Variants in SHISA5 observed in about 807,000 individuals in gnomAD.
The protein encoded by SHISA5 is protein shisa-5.
SHISA5 carries 21 observed loss-of-function variants against 27.5 expected under a neutral mutation model. That is an observed-to-expected ratio of 0.76 (90% CI 0.54 to 1.10). The LOEUF (loss-of-function observed/expected upper bound fraction) is 1.10. SHISA5 is among the 50% of genes least tolerant of loss of function. The pLI, the probability that SHISA5 is intolerant of heterozygous loss-of-function variation, is 0.00. For synonymous variants in SHISA5, 137 were observed against 142.2 expected (o/e 0.96, Z 0.26); for missense variants, 314 against 336.3 (o/e 0.93, Z 0.52).
chr3:48,475,106 T>TA (rs202030882), intron 3 of SHISA5, among the ~76,000 whole-genome samples: 60 of 150,646 alleles, frequency 4.0e-4, no homozygotes, highest in African/African-American at 1.3e-3. Context: ...GAGTGCTCAA[T>TA]AAAAAAAAAA....
At chr3:48,484,511 G>T (rs777947991) in intron 2 of SHISA5, among the ~76,000 whole-genome samples, 1 of 152,014 alleles carries the variant, frequency 6.6e-6, no homozygotes, top group Non-Finnish European at 1.5e-5. Context: ...CAGGAGAATT[G>T]CTTGAACCCA....
intron 3 of SHISA5, among the ~76,000 whole-genome samples, chr3:48,475,003 C>T (rs1382502086): frequency 6.6e-6 from 1 of 152,128 alleles, no homozygotes; most frequent in African/African-American, 2.4e-5. Context: ...TGTGTGTGAG[C>T]ATTTGATCAA....
chr3:48,468,112 C>T lies in SHISA5; in HGVS notation c.*995G>A, dbSNP rs3135950. On this transcript the variant is annotated 3_prime_UTR_variant, in exon 6 of 6. Coordinates refer to ENST00000296444, the MANE Select transcript of SHISA5 (RefSeq NM_016479.6). The stretch of plus-strand genomic sequence containing the variant: ...GTGGACTGGGGTACAGGAGTTGTTG[C>T]ATATTCCATGAGGCTGGTGTCGGGA... 1 of 987,514 alleles carries T rather than the reference C, an allele frequency of 1.0e-6. No homozygotes were observed. The highest frequency in any genetic ancestry group is 1.7e-5 in the African/African-American group (1 of 57,160). 61.2% of individuals were successfully genotyped at this position (987,514 alleles called of 1,614,324 possible).
Position 48,501,308 on chromosome 3 carries a change from C to T in SHISA5, c.77-15G>A. ...CTCACCACGTGCTGGAGAGGAGAAA[C>T]ACATCTGTTCACCTGTGCCCACGGG... On this transcript the variant is annotated splice_polypyrimidine_tract_variant and intron_variant, in intron 1 of 5. Coordinates refer to ENST00000296444, the MANE Select transcript of SHISA5 (RefSeq NM_016479.6). 1.2e-6 allele frequency: 2 copies of T among 1,611,554 alleles called. No homozygotes were observed. Among genetic ancestry groups the T allele is most frequent in the Non-Finnish European group, 1.7e-6 (2 of 1,178,544 alleles).
intron 3 of SHISA5, among the ~76,000 whole-genome samples, chr3:48,474,430 G>A (rs543415699): frequency 1.5e-3 from 231 of 151,484 alleles, no homozygotes; most frequent in African/African-American, 5.2e-3. Context: ...CCGCCTCCCC[G>A]GGTTCAAGTG....
At chr3:48,491,016 T>C (rs556525926) in intron 2 of SHISA5, among the ~76,000 whole-genome samples, 41 of 152,306 alleles carry the variant, frequency 2.7e-4, no homozygotes, top group Non-Finnish European at 5.6e-4. Flanking sequence ...ACTCAACCAA[T>C]TGTCAAACAG....
intron 2 of SHISA5, among the ~76,000 whole-genome samples, chr3:48,491,540 C>T (rs1214021499): frequency 2.0e-5 from 3 of 152,156 alleles, no homozygotes; most frequent in Non-Finnish European, 4.4e-5. Context: ...GGCTGTTTCA[C>T]GGGCGATGGT....
At chr3:48,502,536 G>A in intron 1 of SHISA5, 1 of 361,530 alleles carries the variant, frequency 2.8e-6, no homozygotes, top group Non-Finnish European at 5.6e-6. Context: ...CATGCTGAGG[G>A]GATCTGGCTG....
At chr3:48,486,630 C>T (rs1181978799) in intron 2 of SHISA5, among the ~76,000 whole-genome samples, 1 of 137,236 alleles carries the variant, frequency 7.3e-6, no homozygotes, top group African/African-American at 2.7e-5. Context: ...TATAAGCTCA[C>T]GCCTATAATC....
intron 1 of SHISA5, chr3:48,503,044 A>T: frequency 1.7e-6 from 2 of 1,206,200 alleles, no homozygotes; most frequent in South Asian, 2.5e-5. Context: ...GGGCAAAGCC[A>T]TGGAGCAGAG....
At chr3:48,483,898 G>A (rs2041116505) in intron 2 of SHISA5, among the ~76,000 whole-genome samples, 1 of 152,074 alleles carries the variant, frequency 6.6e-6, no homozygotes, top group Admixed American at 6.5e-5. Flanking sequence ...TGAATTTTTT[G>A]TAGACATAAG....
intron 3 of SHISA5, chr3:48,477,157 CTTTT>C: frequency 2.4e-6 from 1 of 423,582 alleles, no homozygotes; most frequent in East Asian, 7.1e-5. Context: ...TCTCCAACTC[CTTTT>C]TTTTGTTGTT....
intron 2 of SHISA5, among the ~76,000 whole-genome samples, chr3:48,494,636 A>T (rs1407685717): frequency 1.4e-5 from 2 of 147,584 alleles, no homozygotes; most frequent in Admixed American, 6.6e-5. Flanking sequence ...CGCTGTGTAC[A>T]TATACCACAT....
intron 2 of SHISA5, among the ~76,000 whole-genome samples, chr3:48,489,659 ACT>A (rs1378244781): frequency 9.3e-6 from 1 of 107,428 alleles, no homozygotes; most frequent in Admixed American, 1.3e-4. Flanking sequence ...ACAGGGTCTC[ACT>A]CTGCCACCCA....
intron 2 of SHISA5, 144 bp downstream of exon 2, chr3:48,500,992 GA>G (rs2107390942): frequency 1.1e-6 from 1 of 909,468 alleles, no homozygotes; most frequent in East Asian, 2.7e-5. Context: ...CAGAACAGGG[GA>G]TCCCTAAACC....
chr3:48,497,306 C>A (rs1487313250), intron 2 of SHISA5, among the ~76,000 whole-genome samples: 10 of 145,382 alleles, frequency 6.9e-5, no homozygotes, highest in Non-Finnish European at 1.4e-4. Context: ...CTCTGTCACC[C>A]AGGCTGGAGT....
In SHISA5 at chr3:48,493,435, CAG is replaced by C. The variant is rs1164664773; in HGVS notation, c.233+7700_233+7701del. Among the ~76,000 whole-genome samples, 69 of 142,458 alleles carry C rather than the reference CAG, an allele frequency of 4.8e-4. 1 individual carries two copies. The highest frequency in any genetic ancestry group is 3.5e-3 in the Admixed American group (50 of 14,464). 93.5% of individuals were successfully genotyped at this position (142,458 alleles called of 152,430 possible). ...TGCCACTGCACTACAGCCTGGGTGA[CAG>C]AGTGAGACCCTATCTTGGAAAATAA... is the stretch of plus-strand genomic sequence containing the variant. On this transcript the variant is annotated intron_variant, in intron 2 of 5. Coordinates refer to ENST00000296444, the MANE Select transcript of SHISA5 (RefSeq NM_016479.6).
intron 2 of SHISA5, among the ~76,000 whole-genome samples, chr3:48,489,613 C>T (rs547070035): frequency 7.0e-6 from 1 of 143,674 alleles, no homozygotes; most frequent in Admixed American, 7.1e-5. Context: ...TGAGCCACTG[C>T]GCCTGGCCTT....
chr3:48,503,030 C>A (rs563379856), intron 1 of SHISA5: 1 of 1,148,032 alleles, frequency 8.7e-7, no homozygotes, highest in Non-Finnish European at 1.2e-6. Flanking sequence ...CAGAACCCTG[C>A]TCTGGGCAAA....
Sources: allele counts gnomAD v4.1 joint callset (sites outside exome capture counted in the v4.1 genomes callset), GRCh38; gene constraint gnomAD v4.1.1; transcripts MANE v1.5; gene names NCBI Gene and HGNC (gene_info 2026-07-23, HGNC 2026-07-21).